MYCBP2: variants seen among roughly 807,000 people sequenced by gnomAD.
MYCBP2 encodes E3 ubiquitin-protein ligase MYCBP2.
MYCBP2 carries 120 observed loss-of-function variants against 525.3 expected under a neutral mutation model. The ratio of observed to expected loss-of-function variants is 0.23; its 90% CI spans 0.20 to 0.27. MYCBP2 has a LOEUF of 0.27. Ranked by LOEUF, MYCBP2 falls within the 10% of genes least tolerant of loss-of-function variation. The pLI, the probability that MYCBP2 is intolerant of heterozygous loss-of-function variation, is 1.00. For missense variants in MYCBP2, 4,149 were observed against 5,657.1 expected (o/e 0.73, Z 8.55); for synonymous variants, 1,894 against 1,955.8 (o/e 0.97, Z 0.83).
chr13:77,288,276 T>C lies in MYCBP2; in HGVS notation c.479A>G (p.Glu160Gly), dbSNP rs763121792. The C allele has an allele frequency of 6.2e-7, 1 of 1,614,186 alleles. No homozygotes were observed. The highest frequency in any genetic ancestry group is 1.1e-5 in the South Asian group (1 of 91,082). The change falls in exon 3 of 83, where the codon GAA (glutamate) becomes GGA (glycine). Residue 160 changes from glutamate to glycine, a missense_variant. This residue lies in a region of MYCBP2 where 413 missense variants were observed against 451.2 expected (regional missense o/e 0.92). Transcript: ENST00000544440. ...CAATGATATTTCCTTTTTCTGCCAT[T>C]CCAGAACGCAATGGCGTACATTACA... Reference protein sequence around the residue: ...IYCNVRHCVLEWQKKEISLAA... With the variant: ...IYCNVRHCVLGWQKKEISLAA...
chr13:77,109,399 A>C (rs553395773), intron 55 of MYCBP2, among the ~76,000 whole-genome samples: 95 of 152,316 alleles, frequency 6.2e-4, no homozygotes, highest in Non-Finnish European at 1.2e-3. Flanking sequence ...AGTAGAGCTG[A>C]GACAGTAATG....
At chr13:77,105,383 T>C (rs754096869) in intron 55 of MYCBP2, among the ~76,000 whole-genome samples, 4 of 152,040 alleles carry the variant, frequency 2.6e-5, no homozygotes, top group Non-Finnish European at 5.9e-5. Context: ...CTAGGTATGA[T>C]TCAGAGTGAA....
chr13:77,073,337 C>T (rs2041712965), intron 68 of MYCBP2, among the ~76,000 whole-genome samples: 1 of 152,018 alleles, frequency 6.6e-6, no homozygotes, highest in African/African-American at 2.4e-5. Flanking sequence ...AAAAAAGAAT[C>T]CATTCTGATA....
chr13:77,232,754 T>A (rs1333937973), intron 18 of MYCBP2, among the ~76,000 whole-genome samples: 2 of 152,188 alleles, frequency 1.3e-5, no homozygotes, highest in East Asian at 3.8e-4. Context: ...ATACTGAATT[T>A]AGTAATATTG....
At chr13:77,191,618 A>C in intron 28 of MYCBP2, 61 bp downstream of exon 28, 1 of 1,568,704 alleles carries the variant, frequency 6.4e-7, no homozygotes, top group Non-Finnish European at 8.7e-7. Flanking sequence ...CTGAATTTTC[A>C]AAACAATATT....
At chr13:77,070,588 A>T in intron 69 of MYCBP2, 43 bp downstream of exon 69, 1 of 1,383,964 alleles carries the variant, frequency 7.2e-7, no homozygotes, top group Non-Finnish European at 1.0e-6. Flanking sequence ...ACACACACAC[A>T]CACACAAAAC....
chr13:77,108,325 G>A (rs900935298), intron 55 of MYCBP2, among the ~76,000 whole-genome samples: 1 of 152,170 alleles, frequency 6.6e-6, no homozygotes, highest in African/African-American at 2.4e-5. Flanking sequence ...CTTAGGAAAA[G>A]CGTATCATTT....
intron 55 of MYCBP2, among the ~76,000 whole-genome samples, chr13:77,113,931 A>C (rs1249402458): frequency 1.3e-5 from 2 of 152,130 alleles, no homozygotes; most frequent in Non-Finnish European, 2.9e-5. Context: ...ACCAATGCTG[A>C]CTCTAATCTT....
In MYCBP2 at chr13:77,152,832, G is replaced by A. The variant is rs1404248871; in HGVS notation, c.6916-1883C>T. On this transcript the variant is annotated intron_variant, in intron 46 of 82. Coordinates refer to ENST00000544440, the MANE Select transcript of MYCBP2 (RefSeq NM_015057.5). ...TGTAATCCCAGCACTTTTGGAGTCT[G>A]AGGCGGGCGAATCACAAGGTCAGGA... Among the ~76,000 whole-genome samples, 6 of 152,142 alleles carry A rather than the reference G, an allele frequency of 3.9e-5. No individual in the cohort carries two copies. In the East Asian group the frequency reaches 1.2e-3, roughly 29 times the overall value.
chr13:77,181,611 A>G (rs2060225926), intron 33 of MYCBP2, 90 bp downstream of exon 33: 2 of 910,380 alleles, frequency 2.2e-6, no homozygotes, highest in African/African-American at 1.7e-5. Flanking sequence ...GTGTGTTTAT[A>G]GTTTTATTGC....
chr13:77,137,577 A>AC (rs932460931), intron 52 of MYCBP2, among the ~76,000 whole-genome samples: 3 of 151,842 alleles, frequency 2.0e-5, no homozygotes, highest in African/African-American at 4.8e-5. Flanking sequence ...ACATAGTGAG[A>AC]CCCCATCTCT....
intron 8 of MYCBP2, among the ~76,000 whole-genome samples, chr13:77,266,391 AGACTATTTAAT>A (rs1330045731): frequency 6.6e-6 from 1 of 152,168 alleles, no homozygotes; most frequent in African/African-American, 2.4e-5. Context: ...ACATTGTAGA[AGACTATTTAAT>A]GACCTAGAAA....
chr13:77,083,061 G>A lies in MYCBP2; in HGVS notation c.11007C>T (p.Ser3669=), dbSNP rs141958299. Residue 3669 remains serine, a synonymous_variant, in exon 63 of 83, where the codon AGC becomes AGT. Transcript: ENST00000544440. Reference sequence around the variant, plus strand: ...GGGCCATTTGCTGTAATGAACTGCCGCTGGGGAGAGACATCATAAGGTCTG... The same window carrying A: ...GGGCCATTTGCTGTAATGAACTGCCACTGGGGAGAGACATCATAAGGTCTG... ...TISDLMMSLP[S]GSSLQQMALR... 33 of 1,613,026 alleles carry A rather than the reference G, an allele frequency of 2.0e-5. No homozygotes were observed. The highest frequency in any genetic ancestry group is 5.3e-5 in the African/African-American group (4 of 74,826).
intron 82 of MYCBP2, among the ~76,000 whole-genome samples, chr13:77,048,183 T>A (rs893289910): frequency 6.6e-6 from 1 of 152,090 alleles, no homozygotes; most frequent in African/African-American, 2.4e-5. Flanking sequence ...ATGGGATTAG[T>A]GCTCTTCCTA....
intron 1 of MYCBP2, among the ~76,000 whole-genome samples, chr13:77,298,619 A>G (rs182465543): frequency 6.6e-6 from 1 of 152,346 alleles, no homozygotes; most frequent in Admixed American, 6.5e-5. Context: ...CTCAGAGATT[A>G]AAATAAGGTA....
intron 13 of MYCBP2, among the ~76,000 whole-genome samples, chr13:77,259,527 C>T (rs1212266120): frequency 6.6e-6 from 1 of 152,140 alleles, no homozygotes; most frequent in Non-Finnish European, 1.5e-5. Context: ...TTAAACTGTA[C>T]AAGAACCCAC....
chr13:77,068,809 G>C lies in MYCBP2; in HGVS notation c.11927C>G (p.Ala3976Gly). The change falls in exon 70 of 83, where the codon GCT becomes GGT. Residue 3976 changes from alanine to glycine, a missense_variant. Transcript: ENST00000544440. ...GACTCTGGTAGCTTCCATGCGAATAGCTTGGACAATATGAGCACACACCTA... is the reference window on the plus strand; with the variant it reads ...GACTCTGGTAGCTTCCATGCGAATACCTTGGACAATATGAGCACACACCTA... ...QKQVCAHIVQ[A>G]IRMEATRVRE... The C allele has an allele frequency of 6.2e-7, 1 of 1,613,982 alleles. No individual in the cohort carries two copies. Among genetic ancestry groups the C allele is most frequent in the Non-Finnish European group, 8.5e-7 (1 of 1,180,010 alleles).
At chr13:77,262,923 T>A (rs2073538186) in intron 10 of MYCBP2, among the ~76,000 whole-genome samples, 1 of 152,028 alleles carries the variant, frequency 6.6e-6, no homozygotes, top group Admixed American at 6.6e-5. Context: ...AAAGCACTAA[T>A]GCCAAGTTTA....
Position 77,200,418 on chromosome 13 carries a change from G to C in MYCBP2, c.3843+4838C>G, listed in dbSNP as rs1425105702. On this transcript the variant is annotated intron_variant, in intron 26 of 82. Transcript: ENST00000544440. Reference sequence around the variant, plus strand: ...GAAAAGACCAAATCTACGTCTGATTGGTGTACCTGAAAGTGATGGGGAGAA... The same window carrying C: ...GAAAAGACCAAATCTACGTCTGATTCGTGTACCTGAAAGTGATGGGGAGAA... Among the ~76,000 whole-genome samples, 49 of 151,876 alleles carry C rather than the reference G, an allele frequency of 3.2e-4. No individual in the cohort carries two copies. In the East Asian group the frequency reaches 9.1e-3, roughly 28 times the overall value.
Sources: gnomAD v4.1 joint callset for allele counts (sites outside exome capture counted in the v4.1 genomes callset) on GRCh38, gnomAD v4.1.1 for gene constraint, gnomAD v4.1.1 regional missense constraint, MANE v1.5 for transcripts, NCBI Gene and HGNC (gene_info 2026-07-23, HGNC 2026-07-21) for gene names.